The following MYO3B variants were observed in gnomAD, a reference collection of about 807,000 sequenced individuals.
The protein encoded by MYO3B is myosin-IIIb.
A neutral mutation model predicts 174.6 loss-of-function variants in MYO3B; 156 were observed. That is an observed-to-expected ratio of 0.89 (90% confidence interval 0.78 to 1.02). The LOEUF is 1.02. Among genes scored for constraint, MYO3B ranks in the 50% least tolerant of loss-of-function variants. The pLI is 0.00. For synonymous variants in MYO3B, 563 were observed against 569.1 expected (o/e 0.99, Z 0.15); for missense variants, 1,632 against 1,639.4 (o/e 1.00, Z 0.08).
chr2:170,374,995 A>G (rs2094280613), intron 9 of MYO3B, among the ~76,000 whole-genome samples: 1 of 152,202 alleles, frequency 6.6e-6, no homozygotes, highest in African/African-American at 2.4e-5. Context: ...TTATTAATCC[A>G]AGTCTTACTC....
chr2:170,547,162 A>T (rs1690552867), intron 32 of MYO3B, among the ~76,000 whole-genome samples: 1 of 81,488 alleles, frequency 1.2e-5, no homozygotes, highest in African/African-American at 4.0e-5. Context: ...TACTAAAAAT[A>T]CAAAAAAAAA....
chr2:170,285,936 T>C (rs1391688161), intron 7 of MYO3B, among the ~76,000 whole-genome samples: 1 of 152,158 alleles, frequency 6.6e-6, no homozygotes, highest in Non-Finnish European at 1.5e-5. Context: ...AGCCAATTGT[T>C]CCAATATCAT....
At position 170,199,210 on chromosome 2, in the gene MYO3B, A is replaced by C; in HGVS notation, c.5A>C (p.Lys2Thr). 1 of 1,592,668 alleles carries C rather than the reference A, an allele frequency of 6.3e-7. No individual in the cohort carries two copies. The highest frequency in any genetic ancestry group is 8.6e-7 in the Non-Finnish European group (1 of 1,169,228). Reference sequence around the variant, plus strand: ...TAACAAATTTTTCCCCCAACCAGGAAACATCTGTATGGATTATTTCACTAT... The same window carrying C: ...TAACAAATTTTTCCCCCAACCAGGACACATCTGTATGGATTATTTCACTAT... M[K>T]HLYGLFHYNP... The change falls in exon 2 of 35, where the codon AAA (lysine) becomes ACA (threonine). Residue 2 changes from lysine (K) to threonine (T), a missense_variant and splice_region_variant. Coordinates refer to ENST00000408978, the MANE Select transcript of MYO3B (RefSeq NM_138995.5).
intron 32 of MYO3B, among the ~76,000 whole-genome samples, chr2:170,577,189 G>A (rs569854723): frequency 1.7e-4 from 26 of 152,230 alleles, no homozygotes; most frequent in African/African-American, 6.3e-4. Flanking sequence ...TGAGGAGAAA[G>A]AGCAAAAAAT....
chr2:170,319,298 GC>G (rs2093798398), intron 7 of MYO3B, among the ~76,000 whole-genome samples: 1 of 152,160 alleles, frequency 6.6e-6, no homozygotes, highest in Non-Finnish European at 1.5e-5. Flanking sequence ...AATTCATAAA[GC>G]TTGTCTCCAG....
intron 32 of MYO3B, among the ~76,000 whole-genome samples, chr2:170,561,810 T>C (rs1156711107): frequency 6.6e-6 from 1 of 152,220 alleles, no homozygotes; most frequent in Non-Finnish European, 1.5e-5. Context: ...AAGAAAATTT[T>C]GTGCTATGAT....
At chr2:170,463,344 A>G (rs1279304603) in intron 23 of MYO3B, 24 bp from the exon 24 acceptor site, 5 of 1,610,164 alleles carry the variant, frequency 3.1e-6, no homozygotes, top group Non-Finnish European at 4.2e-6. Context: ...TCCTCAAACC[A>G]CTTGCCTCCA....
chr2:170,456,288 T>G (rs1452851249), intron 23 of MYO3B, among the ~76,000 whole-genome samples: 2 of 152,186 alleles, frequency 1.3e-5, no homozygotes, highest in Non-Finnish European at 2.9e-5. Context: ...TGTCCAGTTG[T>G]GTTGACAGAC....
chr2:170,559,441 T>C (rs979422884), intron 32 of MYO3B, among the ~76,000 whole-genome samples: 2 of 152,212 alleles, frequency 1.3e-5, no homozygotes, highest in Non-Finnish European at 2.9e-5. Context: ...TCAAGGGCTC[T>C]ATCCTAATTA....
chr2:170,651,430 G>A (rs1226750124), intron 32 of MYO3B, among the ~76,000 whole-genome samples, 198 bp from the exon 33 acceptor site: 1 of 152,234 alleles, frequency 6.6e-6, no homozygotes, highest in Non-Finnish European at 1.5e-5. Context: ...CAAAGTTACA[G>A]ACAGTGGCCC....
intron 1 of MYO3B, among the ~76,000 whole-genome samples, chr2:170,183,528 G>T (rs540977664): frequency 1.2e-3 from 186 of 151,994 alleles, no homozygotes; most frequent in Non-Finnish European, 2.0e-3. Context: ...TTTTGAAATT[G>T]CTTGATTTCT....
intron 25 of MYO3B, among the ~76,000 whole-genome samples, chr2:170,488,275 TTTTATTTA>T (rs10684032): frequency 1.3e-5 from 2 of 151,448 alleles, no homozygotes; most frequent in African/African-American, 2.4e-5. Context: ...GTAGCAGTGG[TTTTATTTA>T]TTTATTTATT....
At chr2:170,309,345 A>G (rs537715674) in intron 7 of MYO3B, among the ~76,000 whole-genome samples, 1 of 152,316 alleles carries the variant, frequency 6.6e-6, no homozygotes, top group East Asian at 1.9e-4. Context: ...CTAAGGAGGT[A>G]CTAGCTTCCT....
At chr2:170,486,515 G>A (rs1421861831) in intron 25 of MYO3B, among the ~76,000 whole-genome samples, 1 of 152,018 alleles carries the variant, frequency 6.6e-6, no homozygotes, top group Non-Finnish European at 1.5e-5. Flanking sequence ...TGTTGAGGCT[G>A]GTCTCGAACT....
chr2:170,649,514 C>T (rs995241858), intron 32 of MYO3B, among the ~76,000 whole-genome samples: 2 of 138,106 alleles, frequency 1.4e-5, no homozygotes, highest in South Asian at 2.2e-4. Flanking sequence ...CTTTAAAAAA[C>T]ATTTCTTCTT....
At chr2:170,394,551 AG>A (rs1451668579) in intron 16 of MYO3B, among the ~76,000 whole-genome samples, 1 of 152,226 alleles carries the variant, frequency 6.6e-6, no homozygotes, top group African/African-American at 2.4e-5. Flanking sequence ...AAACATGAAA[AG>A]AAAAAAATGT....
chr2:170,634,415 T>C (rs1043812140), intron 32 of MYO3B, among the ~76,000 whole-genome samples: 1 of 152,176 alleles, frequency 6.6e-6, no homozygotes, highest in Non-Finnish European at 1.5e-5. Context: ...TGGCTAGCCA[T>C]ATGTAGAAAG....
chr2:170,367,273 C>T (rs190227389), intron 8 of MYO3B, among the ~76,000 whole-genome samples: 26 of 152,230 alleles, frequency 1.7e-4, no homozygotes, highest in Admixed American at 1.4e-3. Flanking sequence ...GGGAGGGTGA[C>T]GGATGGGTGG....
intron 1 of MYO3B, among the ~76,000 whole-genome samples, chr2:170,193,857 G>T (rs1042855497): frequency 1.3e-5 from 2 of 151,864 alleles, no homozygotes; most frequent in Non-Finnish European, 2.9e-5. Flanking sequence ...TTAAATCTCA[G>T]TTTCTTAATT....
Sources: gnomAD v4.1 joint callset for allele counts (sites outside exome capture counted in the v4.1 genomes callset) on GRCh38, gnomAD v4.1.1 for gene constraint, MANE v1.5 for transcripts, NCBI Gene and HGNC (gene_info 2026-07-23, HGNC 2026-07-21) for gene names.